Variants in ZBTB20 observed in about 807,000 individuals in gnomAD.
The protein encoded by ZBTB20 is zinc finger and BTB domain-containing protein 20.
A neutral mutation model predicts 56.9 loss-of-function variants in ZBTB20; 9 were observed. The ratio of observed to expected loss-of-function variants is 0.16; its 90% confidence interval spans 0.10 to 0.28. ZBTB20 has a LOEUF of 0.28. ZBTB20 is among the 10% of genes least tolerant of loss of function. The probability of loss-of-function intolerance (pLI) is 1.00; values close to 1 mark genes in which losing one functional copy is unlikely to be tolerated. For synonymous variants in ZBTB20, 417 were observed against 420.7 expected (o/e 0.99, Z 0.11); for missense variants, 655 against 1,003.0 (o/e 0.65, Z 4.69).
At chr3:114,871,218 A>AT (rs1400023650) in intron 4 of ZBTB20, among the ~76,000 whole-genome samples, 1 of 151,996 alleles carries the variant, frequency 6.6e-6, no homozygotes, top group Non-Finnish European at 1.5e-5. Flanking sequence ...CTTTCTTTTA[A>AT]TTTTTTGGTT....
intron 3 of ZBTB20, among the ~76,000 whole-genome samples, chr3:114,952,216 G>A (rs541815406): frequency 1.6e-4 from 24 of 152,144 alleles, no homozygotes; most frequent in African/African-American, 5.3e-4. Flanking sequence ...CCTTTAAGAG[G>A]TAAGTAAGAT....
At chr3:114,619,909 T>C (rs2058202439) in intron 6 of ZBTB20, among the ~76,000 whole-genome samples, 1 of 152,238 alleles carries the variant, frequency 6.6e-6, no homozygotes, top group South Asian at 2.1e-4. Flanking sequence ...ATAGCCAGTC[T>C]TCATGCCTTT....
intron 7 of ZBTB20, among the ~76,000 whole-genome samples, chr3:114,496,050 C>T (rs1221198260): frequency 1.3e-5 from 2 of 151,962 alleles, no homozygotes; most frequent in Non-Finnish European, 2.9e-5. Context: ...GGGACATTTA[C>T]AAGGATCTTA....
intron 4 of ZBTB20, among the ~76,000 whole-genome samples, chr3:114,853,446 A>G (rs147605419): frequency 0.012 from 1,880 of 152,336 alleles, 24 homozygotes; most frequent in Non-Finnish European, 0.021. Context: ...TTTGTTGCAC[A>G]GCAACATATG....
intron 1 of ZBTB20, among the ~76,000 whole-genome samples, chr3:115,143,520 C>T (rs2084878959): frequency 6.6e-6 from 1 of 152,058 alleles, no homozygotes; most frequent in Non-Finnish European, 1.5e-5. Flanking sequence ...GAAAAAGAAA[C>T]CCAGAACTGA....
At chr3:114,845,852 A>G (rs1470155057) in intron 4 of ZBTB20, among the ~76,000 whole-genome samples, 3 of 152,152 alleles carry the variant, frequency 2.0e-5, no homozygotes, top group African/African-American at 4.8e-5. Flanking sequence ...TTTTTTAATG[A>G]GTAATAAGGT....
intron 7 of ZBTB20, among the ~76,000 whole-genome samples, chr3:114,417,385 T>C (rs189585115): frequency 8.1e-4 from 123 of 152,218 alleles, no homozygotes; most frequent in Non-Finnish European, 1.4e-3. Context: ...AAACCTGGGT[T>C]ATGGTATTGT....
chr3:114,940,891 T>C, intron 3 of ZBTB20, among the ~76,000 whole-genome samples: 1 of 146,290 alleles, frequency 6.8e-6, no homozygotes, highest in East Asian at 1.9e-4. Flanking sequence ...CTTAATAAGA[T>C]GGAATCCTTT....
chr3:114,525,475 T>C (rs2047114690), intron 6 of ZBTB20, among the ~76,000 whole-genome samples: 1 of 152,170 alleles, frequency 6.6e-6, no homozygotes, highest in African/African-American at 2.4e-5. Flanking sequence ...CCCTTGTTTA[T>C]GTCTATTCCC....
At chr3:114,728,477 G>T (rs1387019057) in intron 5 of ZBTB20, among the ~76,000 whole-genome samples, 1 of 152,158 alleles carries the variant, frequency 6.6e-6, no homozygotes, top group Non-Finnish European at 1.5e-5. Context: ...TAGGCTTGGA[G>T]AATTTGTTAA....
At chr3:114,771,813 T>TCTAAAG (rs1356129670) in intron 5 of ZBTB20, among the ~76,000 whole-genome samples, 11 of 152,314 alleles carry the variant, frequency 7.2e-5, no homozygotes, top group African/African-American at 2.6e-4. Flanking sequence ...TAAAGATGTA[T>TCTAAAG]TTCTGGTGTT....
intron 4 of ZBTB20, among the ~76,000 whole-genome samples, chr3:114,869,985 G>A (rs1053688586): frequency 1.3e-5 from 2 of 152,108 alleles, no homozygotes; most frequent in Admixed American, 1.3e-4. Context: ...CACAATCCTT[G>A]AAATCTCAGC....
intron 6 of ZBTB20, among the ~76,000 whole-genome samples, chr3:114,548,675 T>C (rs1475478656): frequency 2.0e-5 from 3 of 152,146 alleles, no homozygotes; most frequent in Middle Eastern, 3.4e-3. Flanking sequence ...TGCATCACCA[T>C]GCCCAGGTAA....
At chr3:114,506,157 C>T (rs908035661) in intron 6 of ZBTB20, among the ~76,000 whole-genome samples, 1 of 152,008 alleles carries the variant, frequency 6.6e-6, no homozygotes, top group African/African-American at 2.4e-5. Context: ...TTCCAAAACG[C>T]ATATTATTTT....
intron 1 of ZBTB20, among the ~76,000 whole-genome samples, chr3:115,137,334 T>G (rs946794539): frequency 6.6e-6 from 1 of 152,118 alleles, no homozygotes; most frequent in East Asian, 1.9e-4. Flanking sequence ...TGAGTATGTA[T>G]GTATACATGA....
chr3:114,929,609 T>G (rs1237752970), intron 3 of ZBTB20, among the ~76,000 whole-genome samples: 1 of 152,218 alleles, frequency 6.6e-6, no homozygotes, highest in Non-Finnish European at 1.5e-5. Context: ...AAATTAAACC[T>G]GAAGATAAGG....
intron 6 of ZBTB20, among the ~76,000 whole-genome samples, chr3:114,633,123 C>A (rs1370020743): frequency 6.6e-6 from 1 of 152,212 alleles, no homozygotes; most frequent in Non-Finnish European, 1.5e-5. Flanking sequence ...TTTGTTCTCA[C>A]ACTGACTCTT....
intron 3 of ZBTB20, among the ~76,000 whole-genome samples, chr3:114,956,206 G>A (rs1479086546): frequency 6.6e-6 from 1 of 152,174 alleles, no homozygotes; most frequent in East Asian, 1.9e-4. Flanking sequence ...TCACTACTCA[G>A]GTTATTTTCC....
intron 7 of ZBTB20, among the ~76,000 whole-genome samples, chr3:114,457,902 T>A (rs1426691555): frequency 6.6e-6 from 1 of 152,188 alleles, no homozygotes; most frequent in Non-Finnish European, 1.5e-5. Flanking sequence ...TCAGTCAATG[T>A]GTGTTGAATG....
Sources: allele counts gnomAD v4.1 joint callset (sites outside exome capture counted in the v4.1 genomes callset), GRCh38; gene constraint gnomAD v4.1.1; transcripts MANE v1.5; gene names NCBI Gene and HGNC (gene_info 2026-07-23, HGNC 2026-07-21).